Variants in PDE1C observed in about 807,000 individuals in gnomAD.
PDE1C encodes dual specificity calcium/calmodulin-dependent 3',5'-cyclic nucleotide phosphodiesterase 1C.
A neutral mutation model predicts 93.1 loss-of-function variants in PDE1C; 62 were observed. The observed-to-expected ratio is 0.67, with a 90% CI of 0.54 to 0.82. PDE1C has a LOEUF of 0.82. Ranked by LOEUF, PDE1C falls within the 40% of genes least tolerant of loss-of-function variation. PDE1C has a pLI of 0.00. For synonymous variants in PDE1C, 325 were observed against 310.1 expected, an observed-to-expected ratio of 1.05 and a Z score of -0.50; for missense variants, 742 against 884.6, an observed-to-expected ratio of 0.84 and a Z score of 2.04.
chr7:32,163,656 T>C (rs960777072), intron 3 of PDE1C, among the ~76,000 whole-genome samples: 1 of 152,110 alleles, frequency 6.6e-6, no homozygotes, highest in Non-Finnish European at 1.5e-5. Flanking sequence ...TATCAAAACC[T>C]GGCAACTCAA....
At chr7:32,130,986 C>G (rs949884302) in intron 3 of PDE1C, among the ~76,000 whole-genome samples, 1 of 151,906 alleles carries the variant, frequency 6.6e-6, no homozygotes, top group African/African-American at 2.4e-5. Flanking sequence ...TTTCATGTTC[C>G]CTTTAGGTCC....
intron 16 of PDE1C, among the ~76,000 whole-genome samples, chr7:31,797,667 C>T (rs1195826058): frequency 6.6e-6 from 1 of 151,712 alleles, no homozygotes; most frequent in Non-Finnish European, 1.5e-5. Context: ...TTACACATCA[C>T]ATGATCTGGG....
At chr7:32,268,809 C>T (rs1372404524) in intron 1 of PDE1C, among the ~76,000 whole-genome samples, 1 of 152,076 alleles carries the variant, frequency 6.6e-6, no homozygotes, top group South Asian at 2.1e-4. Flanking sequence ...ACTTTACATC[C>T]CCATACCCCT....
At chr7:31,938,700 A>C (rs1805415961) in intron 2 of PDE1C, among the ~76,000 whole-genome samples, 1 of 152,218 alleles carries the variant, frequency 6.6e-6, no homozygotes, top group Non-Finnish European at 1.5e-5. Flanking sequence ...TTGTTGAATG[A>C]ATAACTGAAT....
chr7:32,361,537 C>A (rs187582161), intron 1 of PDE1C, among the ~76,000 whole-genome samples: 1 of 152,192 alleles, frequency 6.6e-6, no homozygotes. Context: ...GCACACTGCC[C>A]CTGACCCTCG....
chr7:32,056,320 T>TTCTCTATC (rs1794070857), intron 1 of PDE1C, among the ~76,000 whole-genome samples: 1 of 111,030 alleles, frequency 9.0e-6, no homozygotes, highest in Non-Finnish European at 1.8e-5. Flanking sequence ...GGGTCCACCG[T>TTCTCTATC]TCTCTCTCTC....
At chr7:32,400,897 T>C (rs1369587610) in intron 1 of PDE1C, among the ~76,000 whole-genome samples, 1 of 152,198 alleles carries the variant, frequency 6.6e-6, no homozygotes, top group East Asian at 1.9e-4. Context: ...CCCCACAAGC[T>C]AAAGTCACCC....
chr7:31,622,808 T>G, the PDE1C span, among the ~76,000 whole-genome samples: 6 of 152,002 alleles, frequency 3.9e-5, no homozygotes, highest in Non-Finnish European at 8.8e-5. Context: ...AAAAAATTAA[T>G]GAATCCAGGA....
At chr7:31,723,424 G>A in the PDE1C span, among the ~76,000 whole-genome samples, 1 of 152,188 alleles carries the variant, frequency 6.6e-6, no homozygotes, top group African/African-American at 2.4e-5. Flanking sequence ...TCAGGGAGTT[G>A]GTGGAGCCTG....
chr7:32,182,893 A>G (rs1803543698), intron 2 of PDE1C, among the ~76,000 whole-genome samples: 1 of 152,212 alleles, frequency 6.6e-6, no homozygotes, highest in African/African-American at 2.4e-5. Context: ...TTGTATATCT[A>G]GAAAACCCCA....
chr7:31,916,078 C>T (rs1446954191), intron 2 of PDE1C, among the ~76,000 whole-genome samples: 1 of 152,048 alleles, frequency 6.6e-6, no homozygotes, highest in Non-Finnish European at 1.5e-5. Context: ...GGTCTCATGA[C>T]CTGCCTCAGA....
intron 2 of PDE1C, among the ~76,000 whole-genome samples, chr7:31,994,203 T>C (rs1784460928): frequency 6.6e-6 from 1 of 152,204 alleles, no homozygotes; most frequent in African/African-American, 2.4e-5. Flanking sequence ...TATCTAATTT[T>C]ATTTTATGGT....
chr7:32,101,445 G>A (rs1798031273), intron 3 of PDE1C, among the ~76,000 whole-genome samples: 1 of 152,156 alleles, frequency 6.6e-6, no homozygotes, highest in Non-Finnish European at 1.5e-5. Context: ...AGTGGGTCTG[G>A]TGGGAGGTTT....
At chr7:31,874,889 A>G (rs1435001179) in intron 5 of PDE1C, among the ~76,000 whole-genome samples, 1 of 152,254 alleles carries the variant, frequency 6.6e-6, no homozygotes, top group East Asian at 1.9e-4. Context: ...ATAGATGGCA[A>G]CCTCAGAGAG....
At chr7:32,080,530 C>T (rs1796600843) in intron 3 of PDE1C, among the ~76,000 whole-genome samples, 2 of 152,224 alleles carry the variant, frequency 1.3e-5, no homozygotes, top group Non-Finnish European at 2.9e-5. Context: ...AGTTACCTTT[C>T]AGTGCATAAA....
chr7:32,358,279 C>T (rs1784068997), intron 1 of PDE1C, among the ~76,000 whole-genome samples: 1 of 151,922 alleles, frequency 6.6e-6, no homozygotes, highest in Admixed American at 6.6e-5. Flanking sequence ...GCAACCCCGA[C>T]AGGCATGTTT....
intron 2 of PDE1C, among the ~76,000 whole-genome samples, chr7:32,198,270 A>C (rs766770353): frequency 1.2e-4 from 18 of 152,204 alleles, no homozygotes; most frequent in Non-Finnish European, 2.4e-4. Flanking sequence ...TCATCTCTAT[A>C]CAAATATTAT....
chr7:31,800,066 T>C (rs562901135), intron 16 of PDE1C, among the ~76,000 whole-genome samples: 1 of 151,722 alleles, frequency 6.6e-6, no homozygotes, highest in Non-Finnish European at 1.5e-5. Context: ...TTGCTAGTTG[T>C]ATATCTTCTC....
intron 2 of PDE1C, among the ~76,000 whole-genome samples, chr7:31,915,226 A>C (rs1422285562): frequency 6.6e-6 from 1 of 152,164 alleles, no homozygotes; most frequent in African/African-American, 2.4e-5. Flanking sequence ...TGCTTCACAC[A>C]GTAAGAACTG....
Sources: gnomAD v4.1 joint callset for allele counts (sites outside exome capture counted in the v4.1 genomes callset) on GRCh38, gnomAD v4.1.1 for gene constraint, MANE v1.5 for transcripts, NCBI Gene and HGNC (gene_info 2026-07-23, HGNC 2026-07-21) for gene names.